GFPT2: variants seen among roughly 807,000 people sequenced by gnomAD.
GFPT2 encodes glutamine--fructose-6-phosphate transaminase 2, also known as glutamine--fructose-6-phosphate aminotransferase [isomerizing] 2.
GFPT2 carries 62 observed loss-of-function variants against 85.6 expected under a neutral mutation model. The ratio of observed to expected loss-of-function variants is 0.72; its 90% CI spans 0.59 to 0.90. The LOEUF is 0.90. Ranked by LOEUF, GFPT2 falls within the 40% of genes least tolerant of loss-of-function variation. The probability of loss-of-function intolerance (pLI) is 0.00; values close to 1 mark genes in which losing one functional copy is unlikely to be tolerated. For missense variants in GFPT2, 788 were observed against 893.4 expected (o/e 0.88, Z 1.50); for synonymous variants, 368 against 344.5 (o/e 1.07, Z -0.75).
At position 180,324,873 on chromosome 5, in the gene GFPT2, C is replaced by T. The variant is rs374403944; in HGVS notation, c.619G>A (p.Gly207Arg). Residue 207 changes from glycine (G) to arginine (R), a missense_variant, in exon 8 of 19, where the codon GGA becomes AGA. Gly to Arg is a moderately radical substitution (Grantham distance 125). Coordinates refer to ENST00000253778, the MANE Select transcript of GFPT2 (RefSeq NM_005110.4). ...ATRRGSPLLI[G>R]VRSKYKLSTE... ...GAGAGCTTGTATTTGCTCCGGACTC[C>T]GATGAGCAGGGGGCTGCCTCTCCTG... The T allele has an allele frequency of 7.4e-6, 12 of 1,611,040 alleles. No individual in the cohort carries two copies. Among genetic ancestry groups the T allele is most frequent in the East Asian group, 4.5e-5 (2 of 44,882 alleles).
At chr5:180,326,171 C>G (rs967414696) in intron 7 of GFPT2, among the ~76,000 whole-genome samples, 1 of 152,208 alleles carries the variant, frequency 6.6e-6, no homozygotes, top group Non-Finnish European at 1.5e-5. Flanking sequence ...GAGGCTCACT[C>G]TGGTAACACA....
intron 1 of GFPT2, chr5:180,352,371 C>A (rs1410406986): frequency 1.3e-5 from 6 of 446,542 alleles, no homozygotes; most frequent in Non-Finnish European, 2.2e-5. Context: ...AGCACAGTGA[C>A]CTTTTGTCCC....
rs1281395801 is a variant in GFPT2, at chr5:180,330,247, G to A, written c.534+453C>T. On this transcript the variant is annotated intron_variant, in intron 6 of 18. Coordinates refer to ENST00000253778, the MANE Select transcript of GFPT2 (RefSeq NM_005110.4). The surrounding 1 kb of genome is among the most constrained non-coding windows in gnomAD (Gnocchi z 4.4). ...TGAGGCAGGAGGACTGCCTGAACCT[G>A]GGAGGTGGAGGTTGCAGTGAGCCAA... 6.6e-6 allele frequency among the ~76,000 whole-genome samples: 1 copy of A among 152,142 alleles called. No individual in the cohort carries two copies. Among genetic ancestry groups the A allele is most frequent in the African/African-American group, 2.4e-5 (1 of 41,432 alleles).
At chr5:180,311,463 A>T (rs1763879435) in intron 15 of GFPT2, among the ~76,000 whole-genome samples, 1 of 152,240 alleles carries the variant, frequency 6.6e-6, no homozygotes, top group South Asian at 2.1e-4. Flanking sequence ...CAGATATTGT[A>T]TCTCACCAGC....
intron 16 of GFPT2, 104 bp from the exon 17 acceptor site, chr5:180,305,043 C>A: frequency 1.2e-6 from 1 of 826,220 alleles, no homozygotes; most frequent in South Asian, 1.6e-5. Context: ...CTCTGGAAGG[C>A]AGAGAGCCAA....
In GFPT2 at chr5:180,335,915, G is replaced by A. The variant is rs369507819; in HGVS notation, c.253C>T (p.His85Tyr). The change falls in exon 4 of 19, where the codon CAC becomes TAC. Residue 85 changes from histidine to tyrosine, a missense_variant. Transcript: ENST00000253778. The stretch of plus-strand genomic sequence containing the variant: ...CAGCGCGTGTGGGCAATGCCGAAGT[G>A]TGTCTCAAACTCCACTTTTAAGTCC... ...SMDLKVEFET[H>Y]FGIAHTRWAT... 3 of 1,575,278 alleles carry A rather than the reference G, an allele frequency of 1.9e-6. No individual in the cohort carries two copies. Among genetic ancestry groups the A allele is most frequent in the African/African-American group, 1.4e-5 (1 of 72,086 alleles).
chr5:180,326,418 T>G lies in GFPT2; in HGVS notation c.597-1523A>C, dbSNP rs185129283. On this transcript the variant is annotated intron_variant, in intron 7 of 18. Coordinates refer to ENST00000253778, the MANE Select transcript of GFPT2 (RefSeq NM_005110.4). ...TAGATCAATGAACTAATGAAGTGCT[T>G]GCTCATCGGCTTGAATCCAGTCCAC... Among the ~76,000 whole-genome samples the G allele has an allele frequency of 9.8e-4, 150 of 152,370 alleles. 1 individual carries two copies. The highest frequency in any genetic ancestry group is 3.4e-3 in the African/African-American group (143 of 41,596).
intron 15 of GFPT2, among the ~76,000 whole-genome samples, chr5:180,308,256 G>GAA (rs1193861706): frequency 7.5e-6 from 1 of 132,610 alleles, no homozygotes; most frequent in Non-Finnish European, 1.6e-5. Context: ...ACTCCATCTC[G>GAA]AAAAAAAAAA....
intron 6 of GFPT2, among the ~76,000 whole-genome samples, chr5:180,329,082 C>A (rs1261003896): frequency 2.6e-5 from 4 of 152,252 alleles, no homozygotes; most frequent in Non-Finnish European, 4.4e-5. Context: ...TCTTCCCCCA[C>A]GTCCTGACCA....
chr5:180,301,431 G>A lies in GFPT2; in HGVS notation c.*133C>T, dbSNP rs1244634279. Reference sequence around the variant, plus strand: ...AAAAGCACTTGGGTAGAAGGCACGTGGAAGCTGTCAAGCTCTACAGGAGCA... The same window carrying A: ...AAAAGCACTTGGGTAGAAGGCACGTAGAAGCTGTCAAGCTCTACAGGAGCA... On this transcript the variant is annotated 3_prime_UTR_variant, in exon 19 of 19. Coordinates refer to ENST00000253778, the MANE Select transcript of GFPT2 (RefSeq NM_005110.4). 1 of 787,474 alleles carries A rather than the reference G, an allele frequency of 1.3e-6. No homozygotes were observed. Among genetic ancestry groups the A allele is most frequent in the African/African-American group, 1.7e-5 (1 of 58,600 alleles). 48.8% of individuals were successfully genotyped at this position (787,474 alleles called of 1,614,324 possible). A position where few individuals can be genotyped will look rare whatever the true frequency, so the allele number is the denominator to read the frequency against.
At chr5:180,340,605 A>G (rs9686940) in intron 1 of GFPT2, among the ~76,000 whole-genome samples, 33,758 of 139,834 alleles carry the variant, frequency 0.24, 3,907 homozygotes, top group Middle Eastern at 0.36. Flanking sequence ...TCCGCCTCCC[A>G]GGTTCACACT....
Position 180,328,734 on chromosome 5 carries a change from G to A in GFPT2, c.535-396C>T, listed in dbSNP as rs1229211754. On this transcript the variant is annotated intron_variant, in intron 6 of 18. Coordinates refer to ENST00000253778, the MANE Select transcript of GFPT2 (RefSeq NM_005110.4). This position sits in a 1 kb window ranked among gnomAD's most constrained non-coding sequence, Gnocchi z 5.4. ...TGAAGTGCACTTTAGCTCAACACACGGTAGGGCCTGGGTTCAAATCCTGGC... is the reference window on the plus strand; with the variant it reads ...TGAAGTGCACTTTAGCTCAACACACAGTAGGGCCTGGGTTCAAATCCTGGC... Among the ~76,000 whole-genome samples, 3 of 152,306 alleles carry A rather than the reference G, an allele frequency of 2.0e-5. No homozygotes were observed. The highest frequency in any genetic ancestry group is 2.1e-4 in the South Asian group (1 of 4,832).
Position 180,313,938 on chromosome 5 carries a change from G to C in GFPT2, c.1300C>G (p.Leu434Val). The C allele has an allele frequency of 6.2e-7, 1 of 1,602,814 alleles. No individual in the cohort carries two copies. The highest frequency in any genetic ancestry group is 8.5e-7 in the Non-Finnish European group (1 of 1,179,060). ...GCGCCGCGGTCCTTACAGTAGCGCA[G>C]CGCCAGGAGGGTGTCCGCGGTCTCG... ...SGETADTLLA[L>V]RYCKDRGALT... The change falls in exon 14 of 19, where the codon CTG becomes GTG. Residue 434 changes from leucine to valine, a missense_variant. Coordinates refer to ENST00000253778, the MANE Select transcript of GFPT2 (RefSeq NM_005110.4).
In GFPT2 at chr5:180,318,850, C is replaced by T; in HGVS notation, c.901G>A (p.Asp301Asn). 6.2e-7 allele frequency: 1 copy of T among 1,614,068 alleles called. No homozygotes were observed. Among genetic ancestry groups the T allele is most frequent in the Non-Finnish European group, 8.5e-7 (1 of 1,179,982 alleles). ...SIHRVKRSAS[D>N]DPSRAIQTLQ... ...GTCTGGATGGCTCGAGATGGGTCAT[C>T]ACTGGCCGAGCGCTTGACCCGGTGA... Residue 301 changes from aspartate to asparagine, a missense_variant, in exon 10 of 19, where the codon GAT (aspartate) becomes AAT (asparagine). By Grantham distance (23) the Asp-to-Asn change is conservative (BLOSUM62 1). Transcript: ENST00000253778. This position sits in a 1 kb window ranked among gnomAD's most constrained non-coding sequence, Gnocchi z 4.2.
At chr5:180,304,357 T>A (rs547156155) in intron 17 of GFPT2, among the ~76,000 whole-genome samples, 35 of 152,328 alleles carry the variant, frequency 2.3e-4, no homozygotes, top group Admixed American at 1.1e-3. Context: ...GACCCCTGGC[T>A]TGCAACAGGT....
rs1764055047 is a variant in GFPT2, at chr5:180,318,442, A to AC, written c.958+350dup. ...CCTTGTAGGGAGAAAGTGTACCCCC[A>AC]CCCCCCATTTACTGCAGACCTGCAG... On this transcript the variant is annotated intron_variant, in intron 10 of 18. Coordinates refer to ENST00000253778, the MANE Select transcript of GFPT2 (RefSeq NM_005110.4). This position sits in a 1 kb window ranked among gnomAD's most constrained non-coding sequence, Gnocchi z 4.2. Among the ~76,000 whole-genome samples the AC allele has an allele frequency of 6.6e-6, 1 of 151,746 alleles. No homozygotes were observed. Among genetic ancestry groups the AC allele is most frequent in the African/African-American group, 2.4e-5 (1 of 41,274 alleles).
At chr5:180,332,443 A>G (rs1045969722) in intron 4 of GFPT2, among the ~76,000 whole-genome samples, 1 of 152,246 alleles carries the variant, frequency 6.6e-6, no homozygotes, top group Non-Finnish European at 1.5e-5. Context: ...TTGAGGTTCA[A>G]TAATTCCACC....
At chr5:180,331,038 A>G (rs1764291392) in intron 5 of GFPT2, 1 of 573,708 alleles carries the variant, frequency 1.7e-6, no homozygotes, top group South Asian at 2.3e-5. Flanking sequence ...ATCCCACCTC[A>G]GAAGCTCACC....
intron 7 of GFPT2, among the ~76,000 whole-genome samples, chr5:180,325,956 C>T (rs1336843333): frequency 2.0e-5 from 3 of 152,092 alleles, no homozygotes; most frequent in Admixed American, 6.5e-5. Flanking sequence ...ACCCGGGAGG[C>T]GGAGGTTGCA....
Sources: gnomAD v4.1 joint callset for allele counts (sites outside exome capture counted in the v4.1 genomes callset) on GRCh38, gnomAD v4.1.1 for gene constraint, Gnocchi (gnomAD v3.1) non-coding constraint, MANE v1.5 for transcripts, NCBI Gene and HGNC (gene_info 2026-07-23, HGNC 2026-07-21) for gene names.